Variants in TENM2 observed in about 807,000 individuals in gnomAD.
TENM2 encodes teneurin-2.
A neutral mutation model predicts 245.2 loss-of-function variants in TENM2; 52 were observed. That is an observed-to-expected ratio of 0.21 (90% CI 0.17 to 0.27). The LOEUF (loss-of-function observed/expected upper bound fraction) is 0.27, where lower values mean the gene tolerates loss of function less well. TENM2 is among the 10% of genes least tolerant of loss of function. The pLI is 1.00. For missense variants in TENM2, 3,046 were observed against 3,666.8 expected, an observed-to-expected ratio of 0.83 and a Z score of 4.37; for synonymous variants, 1,363 against 1,438.9, an observed-to-expected ratio of 0.95 and a Z score of 1.19.
At chr5:168,255,055 AAAAGAAAG>A (rs545998731) in intron 27 of TENM2, among the ~76,000 whole-genome samples, 3 of 151,932 alleles carry the variant, frequency 2.0e-5, no homozygotes, top group African/African-American at 4.8e-5. Flanking sequence ...TCAAAAAAAA[AAAAGAAAG>A]AAAGAAAGAA....
the TENM2 span, among the ~76,000 whole-genome samples, chr5:167,226,268 A>G: frequency 2.1e-3 from 297 of 142,064 alleles, no homozygotes; most frequent in Middle Eastern, 6.8e-3. Flanking sequence ...CAATATCCCT[A>G]CTTTTTTGAT....
intron 2 of TENM2, among the ~76,000 whole-genome samples, chr5:167,697,346 T>C (rs1757831979): frequency 6.6e-6 from 1 of 152,216 alleles, no homozygotes; most frequent in African/African-American, 2.4e-5. Context: ...ATATTTCACT[T>C]TTCCTTATAA....
At chr5:167,177,301 A>T in the TENM2 span, among the ~76,000 whole-genome samples, 1 of 152,210 alleles carries the variant, frequency 6.6e-6, no homozygotes, top group Non-Finnish European at 1.5e-5. Context: ...ACTACAAGAC[A>T]GTCACCAGTA....
At chr5:167,535,487 T>G (rs563448052) in intron 2 of TENM2, among the ~76,000 whole-genome samples, 53 of 152,252 alleles carry the variant, frequency 3.5e-4, no homozygotes, top group African/African-American at 1.2e-3. Flanking sequence ...TAAGCCATGA[T>G]TTTAATACGT....
At chr5:167,640,827 A>G (rs1222397356) in intron 2 of TENM2, among the ~76,000 whole-genome samples, 1 of 131,894 alleles carries the variant, frequency 7.6e-6, no homozygotes, top group Non-Finnish European at 1.6e-5. Context: ...AAATAGAAAT[A>G]GAAATATATA....
Position 168,216,551 on chromosome 5 carries a change from T to G in TENM2, c.4079-217T>G, listed in dbSNP as rs1472760185. 2.6e-5 allele frequency among the ~76,000 whole-genome samples: 4 copies of G among 152,142 alleles called. No homozygotes were observed. The South Asian group carries it at 8.3e-4, about 32-fold the overall frequency. On this transcript the variant is annotated intron_variant, in intron 21 of 28. Coordinates refer to ENST00000518659, the Ensembl canonical transcript of TENM2. ...AGTTGCAGGGAAGAAGGTGGTGATA[T>G]AGCCAGCACCCTAGGAACTATACAA...
intron 18 of TENM2, 121 bp from the exon 21 acceptor site, chr5:168,204,245 AGAAGTT>A (rs1446012239): frequency 4.0e-6 from 4 of 1,010,926 alleles, no homozygotes; most frequent in Non-Finnish European, 5.6e-6. Flanking sequence ...CACATTGTGA[AGAAGTT>A]GGAGAGCTCC....
intron 2 of TENM2, among the ~76,000 whole-genome samples, chr5:167,688,194 C>G (rs1757200571): frequency 6.6e-6 from 1 of 152,176 alleles, no homozygotes; most frequent in Admixed American, 6.6e-5. Context: ...ATTACCTTCT[C>G]TTACCCCTCT....
upstream of TENM2, among the ~76,000 whole-genome samples, chr5:167,283,139 G>A (rs982549718): frequency 4.6e-5 from 7 of 151,878 alleles, no homozygotes; most frequent in African/African-American, 1.7e-4. Flanking sequence ...TGCCTCCTGG[G>A]TTCCAGCAAT....
chr5:168,040,728 C>G (rs1388114583), intron 5 of TENM2, among the ~76,000 whole-genome samples: 16 of 152,190 alleles, frequency 1.1e-4, no homozygotes, highest in Non-Finnish European at 1.5e-5. Context: ...TTGGCACTGA[C>G]AGCATTCCTA....
chr5:167,348,173 G>C (rs1224035245), intron 1 of TENM2, among the ~76,000 whole-genome samples: 1 of 152,164 alleles, frequency 6.6e-6, no homozygotes, highest in Non-Finnish European at 1.5e-5. Flanking sequence ...GAAAGCCCCA[G>C]CTAATGTTAA....
In TENM2 at chr5:167,367,450, T is replaced by C. The variant is rs138568385; in HGVS notation, c.227-7748T>C. On this transcript the variant is annotated intron_variant, in intron 1 of 28. Coordinates refer to ENST00000518659, the Ensembl canonical transcript of TENM2. ...TCTGTTGTTTTAAGCCAGAGGATTTTGGGTGAACAGTTTTATCAACATTTG... is the reference window on the plus strand; with the variant it reads ...TCTGTTGTTTTAAGCCAGAGGATTTCGGGTGAACAGTTTTATCAACATTTG... 2.3e-3 allele frequency among the ~76,000 whole-genome samples: 350 copies of C among 152,266 alleles called. 1 individual carries two copies. Among genetic ancestry groups the C allele is most frequent in the African/African-American group, 8.0e-3 (332 of 41,570 alleles).
chr5:167,340,572 C>T (rs1310352379), intron 1 of TENM2, among the ~76,000 whole-genome samples: 2 of 152,202 alleles, frequency 1.3e-5, no homozygotes, highest in Non-Finnish European at 2.9e-5. Context: ...GCTTCCCTCT[C>T]ATGATCTCAT....
Position 167,792,732 on chromosome 5 carries a change from G to GA in TENM2, c.503-83239dup, listed in dbSNP as rs76873091. Among the ~76,000 whole-genome samples the GA allele has an allele frequency of 9.4e-3, 1,161 of 123,564 alleles. 13 individuals carry two copies. The highest frequency in any genetic ancestry group is 0.027 in the African/African-American group (916 of 33,604). 81.1% of individuals were successfully genotyped at this position (123,564 alleles called of 152,430 possible). A position where few individuals can be genotyped will look rare whatever the true frequency, so the allele number is the denominator to read the frequency against. ...GTCTTACTGCCTTTTTTGAAAAATG[G>GA]AAAAAAAAAAAAAAAGGTGACTCAT... On this transcript the variant is annotated intron_variant, in intron 2 of 28. Transcript: ENST00000518659.
At chr5:167,837,838 G>A (rs948965269) in intron 2 of TENM2, among the ~76,000 whole-genome samples, 13 of 151,216 alleles carry the variant, frequency 8.6e-5, no homozygotes, top group African/African-American at 2.2e-4. Flanking sequence ...ACGCTCTTAC[G>A]CATTTGCAGT....
chr5:167,590,940 A>G (rs1775836534), intron 2 of TENM2, among the ~76,000 whole-genome samples: 1 of 152,210 alleles, frequency 6.6e-6, no homozygotes, highest in Admixed American at 6.5e-5. Context: ...CATATCTGTT[A>G]ACAAAATGTT....
chr5:167,463,532 T>C (rs1766456649), intron 2 of TENM2, among the ~76,000 whole-genome samples: 1 of 152,098 alleles, frequency 6.6e-6, no homozygotes. Context: ...GAGTTTCACT[T>C]TTGTTGCCCA....
intron 4 of TENM2, chr5:167,965,086 T>C (rs1781292741): frequency 6.6e-6 from 1 of 152,182 alleles, no homozygotes; most frequent in Non-Finnish European, 1.5e-5. Flanking sequence ...TGGTGCTGAA[T>C]ATTCAAAGAT....
intron 2 of TENM2, among the ~76,000 whole-genome samples, chr5:167,485,368 T>C (rs1025090539): frequency 3.3e-5 from 5 of 152,216 alleles, no homozygotes; most frequent in Admixed American, 2.0e-4. Context: ...CTTTTACTTA[T>C]TTTGTTGGAC....
Sources: allele counts gnomAD v4.1 joint callset (sites outside exome capture counted in the v4.1 genomes callset), GRCh38; gene constraint gnomAD v4.1.1; transcripts MANE v1.5; gene names NCBI Gene and HGNC (gene_info 2026-07-23, HGNC 2026-07-21).